Variants in FREM1 observed in about 807,000 individuals in gnomAD.
FREM1 encodes the protein FRAS1-related extracellular matrix protein 1.
A neutral mutation model predicts 210.1 loss-of-function variants in FREM1; 220 were observed. The observed-to-expected ratio is 1.05, with a 90% CI of 0.94 to 1.17. The LOEUF is 1.17. Among genes scored for constraint, FREM1 ranks in the 50% most tolerant of loss-of-function variants. FREM1 has a pLI of 0.00. For synonymous variants in FREM1, 1,189 were observed against 980.2 expected (o/e 1.21, Z -3.98); for missense variants, 3,454 against 2,675.5 (o/e 1.29, Z -6.42).
Position 14,737,295 on chromosome 9 carries a change from C to T in FREM1, c.*101G>A, listed in dbSNP as rs1840563643. The T allele has an allele frequency of 3.9e-6, 3 of 766,264 alleles. No individual in the cohort carries two copies. Among genetic ancestry groups the T allele is most frequent in the South Asian group, 4.1e-5 (2 of 48,876 alleles). 47.5% of individuals were successfully genotyped at this position (766,264 alleles called of 1,614,324 possible). ...CTAGACAGAATCACAAAGGTATACC[C>T]ACTCAATCATAACAATTTGTTTTCT... On this transcript the variant is annotated 3_prime_UTR_variant, in exon 37 of 37. Transcript: ENST00000380880.
intron 30 of FREM1, among the ~76,000 whole-genome samples, chr9:14,749,164 A>T (rs892457055): frequency 6.6e-6 from 1 of 152,170 alleles, no homozygotes; most frequent in Non-Finnish European, 1.5e-5. Flanking sequence ...ACCAATTAGT[A>T]TTTCTGGGAA....
intron 29 of FREM1, among the ~76,000 whole-genome samples, chr9:14,754,493 G>C (rs377345847): frequency 1.9e-4 from 29 of 152,246 alleles, no homozygotes; most frequent in African/African-American, 5.8e-4. Context: ...AGGCTGAATG[G>C]CGTTTCTAAA....
chr9:14,778,597 G>A (rs1199922188), intron 24 of FREM1, among the ~76,000 whole-genome samples: 1 of 102,806 alleles, frequency 9.7e-6, no homozygotes, highest in Non-Finnish European at 1.9e-5. Flanking sequence ...AACAGACAGA[G>A]AACCTGTCTC....
At chr9:14,766,134 T>C (rs1166698322) in intron 27 of FREM1, among the ~76,000 whole-genome samples, 1 of 152,114 alleles carries the variant, frequency 6.6e-6, no homozygotes, top group African/African-American at 2.4e-5. Flanking sequence ...TTCAGGATAA[T>C]TACTTAAAAG....
At chr9:14,738,276 A>C (rs1298721329) in intron 36 of FREM1, among the ~76,000 whole-genome samples, 1 of 152,240 alleles carries the variant, frequency 6.6e-6, no homozygotes, top group Admixed American at 6.5e-5. Context: ...AAAAAAGAAT[A>C]AAATGAGAAA....
chr9:14,875,161 T>C (rs548878066), intron 1 of FREM1, among the ~76,000 whole-genome samples: 1 of 152,328 alleles, frequency 6.6e-6, no homozygotes, highest in East Asian at 1.9e-4. Context: ...GTTGCTCTTC[T>C]CGAGGAGTAT....
intron 1 of FREM1, among the ~76,000 whole-genome samples, chr9:14,884,335 T>C (rs770294862): frequency 3.9e-5 from 6 of 152,250 alleles, no homozygotes; most frequent in Non-Finnish European, 8.8e-5. Flanking sequence ...CTGACATGAC[T>C]GCAAATCAGT....
chr9:14,796,112 A>G (rs1463370291), intron 21 of FREM1, among the ~76,000 whole-genome samples: 2 of 152,196 alleles, frequency 1.3e-5, no homozygotes, highest in Non-Finnish European at 1.5e-5. Context: ...TATTTCCCAT[A>G]ATGCTTTTTA....
chr9:14,829,001 C>G (rs964131182), intron 10 of FREM1, among the ~76,000 whole-genome samples: 17 of 152,180 alleles, frequency 1.1e-4, no homozygotes, highest in African/African-American at 3.4e-4. Context: ...ATAATACAAC[C>G]TCACAGAGCT....
chr9:14,834,439 C>T (rs555813274), intron 10 of FREM1, among the ~76,000 whole-genome samples: 101 of 152,268 alleles, frequency 6.6e-4, no homozygotes, highest in Non-Finnish European at 1.2e-3. Flanking sequence ...AAAAATTTCA[C>T]CTCATGGTCA....
At chr9:14,884,024 T>C (rs970573152) in intron 1 of FREM1, among the ~76,000 whole-genome samples, 117 of 152,076 alleles carry the variant, frequency 7.7e-4, no homozygotes, top group African/African-American at 2.8e-3. Flanking sequence ...AGGTCAGGAG[T>C]TCGAGCCCAG....
At chr9:14,865,803 A>G (rs1831414011) in intron 2 of FREM1, among the ~76,000 whole-genome samples, 1 of 152,156 alleles carries the variant, frequency 6.6e-6, no homozygotes, top group Non-Finnish European at 1.5e-5. Flanking sequence ...AATTCAACAA[A>G]ACAAAACAGA....
intron 10 of FREM1, among the ~76,000 whole-genome samples, chr9:14,831,692 A>C (rs549577968): frequency 6.6e-6 from 1 of 152,336 alleles, no homozygotes; most frequent in South Asian, 2.1e-4. Context: ...CCTCCCTTAA[A>C]GGGGCCTTGC....
At chr9:14,831,986 G>A (rs1343609933) in intron 10 of FREM1, among the ~76,000 whole-genome samples, 1 of 152,222 alleles carries the variant, frequency 6.6e-6, no homozygotes, top group Non-Finnish European at 1.5e-5. Flanking sequence ...ATACCGAAAG[G>A]AAGGAGACGA....
chr9:14,789,139 C>G, intron 22 of FREM1, 25 bp from the exon 23 acceptor site: 1 of 1,509,450 alleles, frequency 6.6e-7, no homozygotes, highest in Non-Finnish European at 9.0e-7. Flanking sequence ...AGTTAGTCAG[C>G]TGCTCATGGT....
chr9:14,779,449 C>G lies in FREM1; in HGVS notation c.4443-3246G>C, dbSNP rs977387057. The G allele has an allele frequency of 8.1e-6, 8 of 983,586 alleles. No individual in the cohort carries two copies. The African/African-American group carries it at 1.4e-4, about 17-fold the overall frequency. The allele number at this position is 983,586 out of a possible 1,614,324, so 60.9% of individuals were successfully genotyped here. On this transcript the variant is annotated intron_variant, in intron 24 of 36. Transcript: ENST00000380880. ...GAGATGGGACCAGGAGCAACAAACC[C>G]AAATGCAAGCTTGAGTGAGTGCCAG...
chr9:14,862,168 C>T (rs565883259), intron 3 of FREM1, among the ~76,000 whole-genome samples: 1 of 152,324 alleles, frequency 6.6e-6, no homozygotes, highest in East Asian at 1.9e-4. Context: ...ATCATAATTA[C>T]CTGCTCATCT....
chr9:14,818,352 A>C (rs1029467072), intron 14 of FREM1, among the ~76,000 whole-genome samples: 1 of 152,224 alleles, frequency 6.6e-6, no homozygotes, highest in Non-Finnish European at 1.5e-5. Context: ...TGGACTGTAA[A>C]TCAATGGTGG....
rs116876887 is a variant in FREM1, at chr9:14,868,816, C to T, written c.162G>A (p.Glu54=). Residue 54 remains glutamate (E), a synonymous_variant, in exon 2 of 37, where the codon GAG becomes GAA. Transcript: ENST00000380880. ...GDDLKFAIPK[E]KDACKVEVVM... ...CAACTTCCACTTTGCAGGCATCTTT[C>T]TCTTTAGGGATGGCAAACTTCAGGT... The T allele has an allele frequency of 1.2e-4, 189 of 1,613,000 alleles. No individual in the cohort carries two copies. The East Asian group carries it at 4.2e-3, about 36-fold the overall frequency.
Sources: allele counts gnomAD v4.1 joint callset (sites outside exome capture counted in the v4.1 genomes callset), GRCh38; gene constraint gnomAD v4.1.1; transcripts MANE v1.5; gene names NCBI Gene and HGNC (gene_info 2026-07-23, HGNC 2026-07-21).